The following GRID2 variants were observed in gnomAD, a reference collection of about 807,000 sequenced individuals.
The protein encoded by GRID2 is glutamate receptor ionotropic, delta-2.
GRID2 carries 33 observed loss-of-function variants against 114.8 expected under a neutral mutation model. The ratio of observed to expected loss-of-function variants is 0.29; its 90% CI spans 0.22 to 0.38. GRID2 has a LOEUF of 0.38. Ranked by LOEUF, GRID2 falls within the 10% of genes least tolerant of loss-of-function variation. The pLI is 1.00. For synonymous variants in GRID2, 505 were observed against 449.9 expected, an observed-to-expected ratio of 1.12 and a Z score of -1.55; for missense variants, 1,184 against 1,257.7, an observed-to-expected ratio of 0.94 and a Z score of 0.89.
chr4:93,200,855 G>T (rs2149460562), intron 4 of GRID2, among the ~76,000 whole-genome samples: 1 of 152,264 alleles, frequency 6.6e-6, no homozygotes, highest in Non-Finnish European at 1.5e-5. Flanking sequence ...GGTTTCTGTG[G>T]TCAAATCCAT....
intron 13 of GRID2, among the ~76,000 whole-genome samples, chr4:93,552,086 G>A (rs922991980): frequency 7.1e-5 from 10 of 140,906 alleles, no homozygotes; most frequent in Admixed American, 6.4e-4. Flanking sequence ...GTGTCCATGT[G>A]TTCTCTTTAT....
At chr4:93,509,490 T>C (rs1728961164) in intron 12 of GRID2, among the ~76,000 whole-genome samples, 1 of 152,180 alleles carries the variant, frequency 6.6e-6, no homozygotes, top group South Asian at 2.1e-4. Context: ...GGTAATTGAG[T>C]GCTCATAGCT....
At chr4:92,641,517 A>G (rs758501638) in intron 2 of GRID2, among the ~76,000 whole-genome samples, 72 of 151,724 alleles carry the variant, frequency 4.7e-4, no homozygotes, top group Admixed American at 7.9e-4. Flanking sequence ...AAATCATCAG[A>G]ATTCAGGAGG....
At chr4:93,342,528 GT>G (rs2149248334) in intron 8 of GRID2, among the ~76,000 whole-genome samples, 1 of 152,078 alleles carries the variant, frequency 6.6e-6, no homozygotes, top group East Asian at 1.9e-4. Flanking sequence ...TGTTACTTTG[GT>G]GAGGGCAAGA....
intron 2 of GRID2, among the ~76,000 whole-genome samples, chr4:92,839,133 T>A (rs1742685688): frequency 6.6e-6 from 1 of 152,138 alleles, no homozygotes; most frequent in Admixed American, 6.6e-5. Context: ...TCTTGATGCA[T>A]CCTTGAAGAA....
intron 8 of GRID2, among the ~76,000 whole-genome samples, chr4:93,343,812 G>A (rs139056708): frequency 4.6e-5 from 7 of 152,092 alleles, no homozygotes; most frequent in African/African-American, 1.4e-4. Flanking sequence ...TTAGGTCATC[G>A]TGCAACATAC....
At chr4:92,442,809 A>G (rs1475041714) in intron 1 of GRID2, among the ~76,000 whole-genome samples, 1 of 152,152 alleles carries the variant, frequency 6.6e-6, no homozygotes, top group Non-Finnish European at 1.5e-5. Context: ...GATTTGGGAT[A>G]AAGAAAAAGG....
chr4:92,953,067 A>T (rs893259285), intron 2 of GRID2, among the ~76,000 whole-genome samples: 3 of 152,032 alleles, frequency 2.0e-5, no homozygotes, highest in Non-Finnish European at 4.4e-5. Flanking sequence ...GTGTGTCCAC[A>T]TTTCCCTCTT....
At chr4:93,055,160 C>T (rs1486367474) in intron 2 of GRID2, among the ~76,000 whole-genome samples, 1 of 151,684 alleles carries the variant, frequency 6.6e-6, no homozygotes, top group East Asian at 1.9e-4. Flanking sequence ...TTCATAGTAT[C>T]TTTTGTTCCT....
At chr4:93,788,746 G>A (rs1387468129) in intron 1 of GRID2, among the ~76,000 whole-genome samples, 2 of 152,160 alleles carry the variant, frequency 1.3e-5, no homozygotes, top group Non-Finnish European at 2.9e-5. Flanking sequence ...AACTTAACCT[G>A]TCAAAAAATA....
chr4:93,515,088 T>TA, intron 12 of GRID2, 128 bp from the exon 13 acceptor site: 1 of 442,480 alleles, frequency 2.3e-6, no homozygotes, highest in Non-Finnish European at 4.0e-6. Flanking sequence ...CAGAAAACAA[T>TA]AAAATAAGAA....
chr4:93,342,835 A>AT (rs928415131), intron 8 of GRID2, among the ~76,000 whole-genome samples: 2 of 152,042 alleles, frequency 1.3e-5, no homozygotes, highest in Admixed American at 6.6e-5. Context: ...TTATTTTCAG[A>AT]TTTTTTCAGG....
chr4:92,403,702 AAATAAAT>A (rs1730899862), intron 1 of GRID2, among the ~76,000 whole-genome samples: 2 of 77,864 alleles, frequency 2.6e-5, no homozygotes, highest in South Asian at 8.9e-4. Flanking sequence ...AAAAATAAAT[AAATAAAT>A]AAATAAATAA....
At chr4:92,505,545 A>T (rs896581680) in intron 1 of GRID2, among the ~76,000 whole-genome samples, 1 of 152,002 alleles carries the variant, frequency 6.6e-6, no homozygotes, top group Non-Finnish European at 1.5e-5. Flanking sequence ...TAGTGTTGTA[A>T]TAGATAAGTG....
At chr4:93,255,995 TG>T (rs1159030291) in intron 8 of GRID2, among the ~76,000 whole-genome samples, 1 of 152,100 alleles carries the variant, frequency 6.6e-6, no homozygotes, top group Non-Finnish European at 1.5e-5. Context: ...TTATAAAAAT[TG>T]CTCACATTTT....
In GRID2 at chr4:92,688,041, T is replaced by C. The variant is rs1283089859; in HGVS notation, c.244+97755T>C. ...CATTGGTTGACCCTTCTTCTTCTTTTTTTTTTTTTTTTTTTTTTTTTTTTT... is the reference window on the plus strand; with the variant it reads ...CATTGGTTGACCCTTCTTCTTCTTTCTTTTTTTTTTTTTTTTTTTTTTTTT... On this transcript the variant is annotated intron_variant, in intron 2 of 15. Transcript: ENST00000282020. 5.8e-4 allele frequency among the ~76,000 whole-genome samples: 66 copies of C among 113,746 alleles called. 4 individuals are homozygous for C. In the South Asian group the frequency reaches 5.9e-3, roughly 10 times the overall value. The allele number at this position is 113,746 out of a possible 152,430, so 74.6% of individuals were successfully genotyped here. A position where few individuals can be genotyped will look rare whatever the true frequency, so the allele number is the denominator to read the frequency against.
intron 4 of GRID2, among the ~76,000 whole-genome samples, chr4:93,195,473 G>T (rs954805810): frequency 6.6e-6 from 1 of 152,160 alleles, no homozygotes; most frequent in Non-Finnish European, 1.5e-5. Context: ...CACTGTTTGA[G>T]AGTTGATCTC....
rs115549336 is a variant in GRID2, at chr4:92,686,567, C to G, written c.244+96281C>G. Among the ~76,000 whole-genome samples, 202 of 152,126 alleles carry G rather than the reference C, an allele frequency of 1.3e-3. 2 individuals are homozygous for G. Among genetic ancestry groups the G allele is most frequent in the African/African-American group, 4.6e-3 (191 of 41,540 alleles). Reference sequence around the variant, plus strand: ...AATTTAATAAAACGCTTGCTGGATTCAAATCAGTGACCTTTCTCAGAGCTG... The same window carrying G: ...AATTTAATAAAACGCTTGCTGGATTGAAATCAGTGACCTTTCTCAGAGCTG... On this transcript the variant is annotated intron_variant, in intron 2 of 15. Coordinates refer to ENST00000282020, the MANE Select transcript of GRID2 (RefSeq NM_001510.4).
At chr4:93,113,046 TTACC>T (rs1732916244) in intron 4 of GRID2, among the ~76,000 whole-genome samples, 1 of 152,098 alleles carries the variant, frequency 6.6e-6, no homozygotes, top group Admixed American at 6.6e-5. Flanking sequence ...TGGCACAACT[TTACC>T]CATAACAGTT....
Sources: gnomAD v4.1 joint callset for allele counts (sites outside exome capture counted in the v4.1 genomes callset) on GRCh38, gnomAD v4.1.1 for gene constraint, MANE v1.5 for transcripts, NCBI Gene and HGNC (gene_info 2026-07-23, HGNC 2026-07-21) for gene names.